The following FHAD1 variants were observed in gnomAD, a reference collection of about 807,000 sequenced individuals.
FHAD1 encodes the protein forkhead-associated domain-containing protein 1.
Under a neutral mutation model 191.3 loss-of-function variants are expected in FHAD1, and 146 were observed. That is an observed-to-expected ratio of 0.76 (90% CI 0.67 to 0.88). The LOEUF (loss-of-function observed/expected upper bound fraction) is 0.88, where lower values mean the gene tolerates loss of function less well. FHAD1 is among the 40% of genes least tolerant of loss of function. The pLI is 0.00. For missense variants in FHAD1, 1,635 were observed against 1,785.8 expected (o/e 0.92, Z 1.52); for synonymous variants, 616 against 672.3 (o/e 0.92, Z 1.29).
chr1:15,360,720 G>A lies in FHAD1; in HGVS notation c.2962+17G>A, dbSNP rs983162240. 3.2e-6 allele frequency: 5 copies of A among 1,547,132 alleles called. No individual in the cohort carries two copies. In the African/African-American group the frequency reaches 5.5e-5, roughly 17 times the overall value. On this transcript the variant is annotated intron_variant, in intron 22 of 33. Coordinates refer to ENST00000688493, the MANE Select transcript of FHAD1 (RefSeq NM_001391957.1). ...ATGACCCAGGTAAGTCCGAAGGGAG[G>A]CCAAGGAAATCTTAGTGTTCGGGGC...
chr1:15,389,447 C>CAAAAAAA (rs570569622), intron 32 of FHAD1, among the ~76,000 whole-genome samples: 3,985 of 54,000 alleles, frequency 0.074, 319 homozygotes, highest in Middle Eastern at 0.16. Flanking sequence ...GAACCTGTCT[C>CAAAAAAA]AAAAAAAAAA....
At chr1:15,314,646 GGGGTATGGATGTGTGGTGTGGGGGT>G (rs1673491561) in intron 8 of FHAD1, 2 of 18,988 alleles carry the variant, frequency 1.1e-4, no homozygotes, top group Non-Finnish European at 3.2e-4. Context: ...TGGGTGTGTG[GGGGTATGGATGTGTGGTGTGGGGGT>G]GAATGGGTGT....
intron 2 of FHAD1, among the ~76,000 whole-genome samples, chr1:15,270,111 A>G (rs1410753085): frequency 6.6e-6 from 1 of 152,028 alleles, no homozygotes; most frequent in Non-Finnish European, 1.5e-5. Context: ...GGTTTTCACC[A>G]TGTTGGCCAG....
At chr1:15,333,610 G>A (rs1350506843) in intron 14 of FHAD1, among the ~76,000 whole-genome samples, 1 of 152,002 alleles carries the variant, frequency 6.6e-6, no homozygotes, top group Non-Finnish European at 1.5e-5. Flanking sequence ...ATGTTACAGA[G>A]GCTGACAGGG....
At chr1:15,320,618 A>G (rs1382976751) in intron 10 of FHAD1, among the ~76,000 whole-genome samples, 4 of 152,220 alleles carry the variant, frequency 2.6e-5, no homozygotes, top group Admixed American at 6.5e-5. Context: ...CTTCATTGCT[A>G]GAGATGTTTT....
intron 6 of FHAD1, among the ~76,000 whole-genome samples, chr1:15,305,259 C>T (rs774404363): frequency 6.6e-6 from 1 of 152,164 alleles, no homozygotes; most frequent in Non-Finnish European, 1.5e-5. Flanking sequence ...CCTGAAATTA[C>T]GACTGTCACC....
At position 15,318,991 on chromosome 1, in the gene FHAD1, GA is replaced by G. The variant is rs1428170595; in HGVS notation, c.1365+1065del. 1.3e-5 allele frequency among the ~76,000 whole-genome samples: 2 copies of G among 151,114 alleles called. No homozygotes were observed. The highest frequency in any genetic ancestry group is 2.9e-5 in the Non-Finnish European group (2 of 67,938). ...AGATGGTTGTCATTGAGAAAACTAA[GA>G]ATTTTTTTTTTTTAATAAATAAAGA... On this transcript the variant is annotated intron_variant, in intron 10 of 33. Transcript: ENST00000688493. This position sits in a 1 kb window ranked among gnomAD's most constrained non-coding sequence, Gnocchi z 4.1.
At chr1:15,356,073 C>T (rs544807816) in intron 20 of FHAD1, among the ~76,000 whole-genome samples, 26 of 152,222 alleles carry the variant, frequency 1.7e-4, no homozygotes, top group African/African-American at 5.3e-4. Flanking sequence ...GCATCGATAT[C>T]GATAACTACC....
chr1:15,255,515 C>G (rs1204922082), intron 2 of FHAD1, among the ~76,000 whole-genome samples: 2 of 152,076 alleles, frequency 1.3e-5, no homozygotes, highest in Non-Finnish European at 2.9e-5. Flanking sequence ...TTTAGCCAGC[C>G]TGGTTTTTGC....
In FHAD1 at chr1:15,369,424, C is replaced by T. The variant is rs941466073; in HGVS notation, c.3369C>T (p.Pro1123=). The T allele has an allele frequency of 6.4e-7, 1 of 1,551,756 alleles. No homozygotes were observed. Among genetic ancestry groups the T allele is most frequent in the African/African-American group, 1.4e-5 (1 of 73,022 alleles). Reference sequence around the variant, plus strand: ...TGAACACAGAGAAGGAACAGAAGCCCCGGAAGAAGACCCAGACGTGTGACA... The same window carrying T: ...TGAACACAGAGAAGGAACAGAAGCCTCGGAAGAAGACCCAGACGTGTGACA... The part of the protein sequence containing the change: ...LQLNTEKEQK[P]RKKTQTCDTS... Residue 1123 remains proline (P), a synonymous_variant, in exon 26 of 34, where the codon CCC becomes CCT. Transcript: ENST00000688493.
intron 28 of FHAD1, among the ~76,000 whole-genome samples, chr1:15,376,727 G>A (rs1482403264): frequency 6.6e-6 from 1 of 152,142 alleles, no homozygotes; most frequent in African/African-American, 2.4e-5. Flanking sequence ...ATAAATGATA[G>A]ATGTTATTAT....
chr1:15,281,737 G>C (rs976103406), intron 3 of FHAD1, among the ~76,000 whole-genome samples: 2 of 145,852 alleles, frequency 1.4e-5, no homozygotes, highest in Non-Finnish European at 3.0e-5. Flanking sequence ...CTCCAGCCTG[G>C]GTGACAGAGT....
chr1:15,336,189 G>A (rs1053323377), intron 14 of FHAD1, among the ~76,000 whole-genome samples: 9 of 152,146 alleles, frequency 5.9e-5, no homozygotes, highest in Non-Finnish European at 1.0e-4. Context: ...GCTTAACCTT[G>A]GGGAGCTTCT....
At position 15,289,930 on chromosome 1, in the gene FHAD1, T is replaced by G. The variant is rs1363710986; in HGVS notation, c.568+264T>G. ...TATACACACACCAGGGCACCTGCAG[T>G]GGGTGTGGCCTCTGTGTGTGTGTAC... On this transcript the variant is annotated intron_variant, in intron 4 of 33. Transcript: ENST00000688493. This position sits in a 1 kb window ranked among gnomAD's most constrained non-coding sequence, Gnocchi z 4.2. Among the ~76,000 whole-genome samples, 1 of 152,186 alleles carries G rather than the reference T, an allele frequency of 6.6e-6. No homozygotes were observed. The highest frequency in any genetic ancestry group is 2.4e-5 in the African/African-American group (1 of 41,438).
chr1:15,397,230 A>C, intron 33 of FHAD1, 67 bp from the exon 34 acceptor site: 1 of 701,454 alleles, frequency 1.4e-6, no homozygotes, highest in East Asian at 3.0e-5. Context: ...TAACAAAACC[A>C]CTTGAGTGGA....
chr1:15,383,394 G>A (rs1161897636), intron 31 of FHAD1: 2 of 389,344 alleles, frequency 5.1e-6, no homozygotes, highest in Non-Finnish European at 1.0e-5. Flanking sequence ...CATGCAGGTG[G>A]TCTCCTGGGT....
chr1:15,384,765 C>G (rs192219384), intron 31 of FHAD1, among the ~76,000 whole-genome samples: 288 of 152,282 alleles, frequency 1.9e-3, no homozygotes, highest in Non-Finnish European at 3.0e-3. Flanking sequence ...ACGATCACAG[C>G]AAGGCTGATG....
chr1:15,276,917 T>G lies in FHAD1; in HGVS notation c.300+4388T>G, dbSNP rs920322031. On this transcript the variant is annotated intron_variant, in intron 3 of 33. Coordinates refer to ENST00000688493, the MANE Select transcript of FHAD1 (RefSeq NM_001391957.1). The surrounding 1 kb of genome is among the most constrained non-coding windows in gnomAD (Gnocchi z 4.7). ...GCATAACCTACAGGGCCATTTGCGA[T>G]GCCCTGAAGCAACTGTTGAGTAGTA... 6.9e-6 allele frequency among the ~76,000 whole-genome samples: 1 copy of G among 145,562 alleles called. No individual in the cohort carries two copies. Among genetic ancestry groups the G allele is most frequent in the African/African-American group, 2.4e-5 (1 of 41,010 alleles).
At chr1:15,288,332 A>G (rs1205949755) in intron 3 of FHAD1, among the ~76,000 whole-genome samples, 1 of 152,270 alleles carries the variant, frequency 6.6e-6, no homozygotes, top group Admixed American at 6.5e-5. Flanking sequence ...GGCAAAAGCC[A>G]GGTGTCAGCA....
Sources: allele counts gnomAD v4.1 joint callset (sites outside exome capture counted in the v4.1 genomes callset), GRCh38; gene constraint gnomAD v4.1.1; non-coding constraint Gnocchi (gnomAD v3.1); transcripts MANE v1.5; gene names NCBI Gene and HGNC (gene_info 2026-07-23, HGNC 2026-07-21).